CELSR1: variants seen among roughly 807,000 people sequenced by gnomAD.
CELSR1 encodes the protein adhesion G protein-coupled receptor C1.
Under a neutral mutation model 249.1 loss-of-function variants are expected in CELSR1, and 110 were observed. The ratio of observed to expected loss-of-function variants is 0.44; its 90% CI spans 0.38 to 0.52. The LOEUF (loss-of-function observed/expected upper bound fraction) is 0.52, where lower values mean the gene tolerates loss of function less well. Among genes scored for constraint, CELSR1 ranks in the 20% least tolerant of loss-of-function variants. The pLI is 0.00. For missense variants in CELSR1, 4,109 were observed against 4,296.4 expected, an observed-to-expected ratio of 0.96 and a Z score of 1.22; for synonymous variants, 2,113 against 1,900.0, an observed-to-expected ratio of 1.11 and a Z score of -2.92.
chr22:46,372,738 A>AGT, intron 25 of CELSR1, 145 bp downstream of exon 25: 1 of 992,142 alleles, frequency 1.0e-6, no homozygotes, highest in Non-Finnish European at 1.4e-6. Context: ...ATGCACTCGC[A>AGT]GTGTGCAGGG....
In CELSR1 at chr22:46,517,904, C is replaced by CT. The variant is rs11370514; in HGVS notation, c.3544+15722dup. Among the ~76,000 whole-genome samples the CT allele has an allele frequency of 0.63, 86,913 of 138,244 alleles. 27,152 individuals carry two copies. Among genetic ancestry groups the CT allele is most frequent in the South Asian group, 0.77 (3,355 of 4,354 alleles). 90.7% of individuals were successfully genotyped at this position (138,244 alleles called of 152,430 possible). Reference sequence around the variant, plus strand: ...ACACACCTCCCACGGTGTCCCCTTCCTTTTTTTTTTTTTTTGAGACAGAGT... The same window carrying CT: ...ACACACCTCCCACGGTGTCCCCTTCCTTTTTTTTTTTTTTTTGAGACAGAGT... On this transcript the variant is annotated intron_variant, in intron 1 of 34. Coordinates refer to ENST00000674500, the MANE Select transcript of CELSR1 (RefSeq NM_001378328.1). The surrounding 1 kb of genome is among the most constrained non-coding windows in gnomAD (Gnocchi z 5.4).
At chr22:46,366,339 G>T in intron 30 of CELSR1, 47 bp downstream of exon 30, 1 of 1,489,684 alleles carries the variant, frequency 6.7e-7, no homozygotes, top group Middle Eastern at 1.7e-4. Context: ...GGCAAAACCT[G>T]AGGGAGTTCG....
intron 1 of CELSR1, among the ~76,000 whole-genome samples, chr22:46,532,590 T>C (rs573396264): frequency 6.6e-6 from 1 of 152,292 alleles, no homozygotes; most frequent in Non-Finnish European, 1.5e-5. Context: ...TCCTAATAAC[T>C]CACTGTTTAA....
At chr22:46,487,034 G>A (rs2080319562) in intron 1 of CELSR1, among the ~76,000 whole-genome samples, 1 of 104,606 alleles carries the variant, frequency 9.6e-6, no homozygotes, top group African/African-American at 4.9e-5. Context: ...TCCACTTCCT[G>A]CCCTCACTCC....
At position 46,432,194 on chromosome 22, in the gene CELSR1, GA is replaced by G. The variant is rs1294340281; in HGVS notation, c.4611+1198del. ...ATGATGGGATATTCAAGGCAGATGG[GA>G]GGGGCGGGCCAGGGAGGTGGAGGGA... On this transcript the variant is annotated intron_variant, in intron 5 of 34. Coordinates refer to ENST00000674500, the MANE Select transcript of CELSR1 (RefSeq NM_001378328.1). 2.6e-5 allele frequency among the ~76,000 whole-genome samples: 4 copies of G among 152,342 alleles called. No individual in the cohort carries two copies. The East Asian group carries it at 5.8e-4, about 22-fold the overall frequency.
At chr22:46,365,429 A>G (rs1198362301) in intron 31 of CELSR1, 49 bp from the exon 32 acceptor site, 1 of 1,601,028 alleles carries the variant, frequency 6.2e-7, no homozygotes, top group Non-Finnish European at 8.5e-7. Flanking sequence ...GAGGTGAGGG[A>G]GTCCCACCGA....
chr22:46,459,807 A>AC (rs1434577086), intron 2 of CELSR1, among the ~76,000 whole-genome samples: 1 of 152,172 alleles, frequency 6.6e-6, no homozygotes, highest in Non-Finnish European at 1.5e-5. Flanking sequence ...AGTTTCTATG[A>AC]CCCCATTATA....
chr22:46,522,572 G>A (rs980299509), intron 1 of CELSR1, among the ~76,000 whole-genome samples: 8 of 152,216 alleles, frequency 5.3e-5, no homozygotes, highest in Non-Finnish European at 7.4e-5. Flanking sequence ...TACATAGTCT[G>A]GATATTAATC....
In CELSR1 at chr22:46,409,745, G is replaced by A. The variant is rs59224842; in HGVS notation, c.5059+10C>T. ...CGTGACCGGGGGGATGGACGACGCC[G>A]GCCACTCACCTTGCTCACAGTTCTT... On this transcript the variant is annotated intron_variant, in intron 8 of 34. Coordinates refer to ENST00000674500, the MANE Select transcript of CELSR1 (RefSeq NM_001378328.1). The surrounding 1 kb of genome is among the most constrained non-coding windows in gnomAD (Gnocchi z 9.8). The A allele has an allele frequency of 3.1e-3, 4,933 of 1,612,266 alleles. 107 individuals carry two copies. In the African/African-American group the frequency reaches 0.051, roughly 17 times the overall value.
chr22:46,418,453 C>T (rs1439422379), intron 5 of CELSR1, among the ~76,000 whole-genome samples: 1 of 152,112 alleles, frequency 6.6e-6, no homozygotes, highest in Non-Finnish European at 1.5e-5. Context: ...CAACTACACT[C>T]CAGCCTGGGC....
At chr22:46,438,504 C>A (rs529747452) in intron 3 of CELSR1, among the ~76,000 whole-genome samples, 1 of 152,208 alleles carries the variant, frequency 6.6e-6, no homozygotes, top group Non-Finnish European at 1.5e-5. Flanking sequence ...ACAAAACCCT[C>A]GGTGATTTAG....
intron 2 of CELSR1, among the ~76,000 whole-genome samples, chr22:46,461,463 C>G (rs1468427498): frequency 1.3e-5 from 2 of 152,198 alleles, no homozygotes; most frequent in Non-Finnish European, 2.9e-5. Context: ...CCTCGACCAC[C>G]CCTGCCCAGT....
Position 46,411,868 on chromosome 22 carries a change from A to T in CELSR1, c.4612-109T>A. 1 of 1,429,000 alleles carries T rather than the reference A, an allele frequency of 7.0e-7. No individual in the cohort carries two copies. Among genetic ancestry groups the T allele is most frequent in the South Asian group, 1.2e-5 (1 of 81,294 alleles). 88.5% of individuals were successfully genotyped at this position (1,429,000 alleles called of 1,614,324 possible). The stretch of plus-strand genomic sequence containing the variant: ...GAGGACATGGCACAGGGTGGGCGGC[A>T]CGTAGACAAGGGATGAGGAGCCCCC... On this transcript the variant is annotated intron_variant, in intron 5 of 34. Transcript: ENST00000674500. This position sits in a 1 kb window ranked among gnomAD's most constrained non-coding sequence, Gnocchi z 4.2.
chr22:46,522,632 G>A (rs1440510426), intron 1 of CELSR1, among the ~76,000 whole-genome samples: 1 of 152,174 alleles, frequency 6.6e-6, no homozygotes, highest in Non-Finnish European at 1.5e-5. Flanking sequence ...TTTTAAATGG[G>A]ATACTTTCTC....
At chr22:46,513,569 T>C (rs1011566661) in intron 1 of CELSR1, among the ~76,000 whole-genome samples, 1 of 152,142 alleles carries the variant, frequency 6.6e-6, no homozygotes, top group African/African-American at 2.4e-5. Context: ...TTTACCATAA[T>C]GAGACACTGC....
intron 1 of CELSR1, among the ~76,000 whole-genome samples, chr22:46,520,962 T>G (rs908132752): frequency 1.3e-5 from 2 of 152,160 alleles, no homozygotes; most frequent in Admixed American, 1.3e-4. Context: ...GGGACCTCAG[T>G]GGAATCATAC....
Position 46,389,283 on chromosome 22 carries a change from C to G in CELSR1, c.6555+7G>C. Reference sequence around the variant, plus strand: ...TCCCCGAGCCAGGGTGGCGGCCACCCGCCTACCTCGTGAAAGTCGGCGTCC... The same window carrying G: ...TCCCCGAGCCAGGGTGGCGGCCACCGGCCTACCTCGTGAAAGTCGGCGTCC... On this transcript the variant is annotated splice_region_variant and intron_variant, in intron 18 of 34. Coordinates refer to ENST00000674500, the MANE Select transcript of CELSR1 (RefSeq NM_001378328.1). The G allele has an allele frequency of 6.2e-7, 1 of 1,602,854 alleles. No individual in the cohort carries two copies. Among genetic ancestry groups the G allele is most frequent in the Non-Finnish European group, 8.5e-7 (1 of 1,179,586 alleles).
Position 46,446,845 on chromosome 22 carries a change from G to A in CELSR1, c.4184-7434C>T, listed in dbSNP as rs1005327375. 6.6e-6 allele frequency among the ~76,000 whole-genome samples: 1 copy of A among 152,030 alleles called. No individual in the cohort carries two copies. The highest frequency in any genetic ancestry group is 2.4e-5 in the African/African-American group (1 of 41,368). ...TCTTTTTTTTAATAAAGGACCATGAGAACCAAGAGCAACTGGGTTCTGGAT... is the reference window on the plus strand; with the variant it reads ...TCTTTTTTTTAATAAAGGACCATGAAAACCAAGAGCAACTGGGTTCTGGAT... On this transcript the variant is annotated intron_variant, in intron 2 of 34. Coordinates refer to ENST00000674500, the MANE Select transcript of CELSR1 (RefSeq NM_001378328.1). The surrounding 1 kb of genome is among the most constrained non-coding windows in gnomAD (Gnocchi z 5.5).
intron 20 of CELSR1, among the ~76,000 whole-genome samples, chr22:46,383,954 T>C (rs2079005641): frequency 6.6e-6 from 1 of 152,090 alleles, no homozygotes; most frequent in Non-Finnish European, 1.5e-5. Flanking sequence ...TTGGGAACAT[T>C]TTGGAATTTT....
Sources: gnomAD v4.1 joint callset for allele counts (sites outside exome capture counted in the v4.1 genomes callset) on GRCh38, gnomAD v4.1.1 for gene constraint, Gnocchi (gnomAD v3.1) non-coding constraint, MANE v1.5 for transcripts, NCBI Gene and HGNC (gene_info 2026-07-23, HGNC 2026-07-21) for gene names.